MARCHF7: variants seen among roughly 807,000 people sequenced by gnomAD.
MARCHF7 encodes membrane associated ring-CH-type finger 7.
MARCHF7 carries 20 observed loss-of-function variants against 76.5 expected under a neutral mutation model. The observed-to-expected ratio is 0.26, with a 90% CI of 0.18 to 0.38. MARCHF7 has a LOEUF of 0.38. Among genes scored for constraint, MARCHF7 ranks in the 10% least tolerant of loss-of-function variants. The probability of loss-of-function intolerance (pLI) is 1.00; values close to 1 mark genes in which losing one functional copy is unlikely to be tolerated. For missense variants in MARCHF7, 797 were observed against 812.9 expected (o/e 0.98, Z 0.24); for synonymous variants, 295 against 293.0 (o/e 1.01, Z -0.07).
chr2:159,733,774 G>A (rs1350539084), intron 4 of MARCHF7: 2 of 985,212 alleles, frequency 2.0e-6, no homozygotes, highest in South Asian at 9.4e-5. Flanking sequence ...AGTTAACATG[G>A]ATATTTGTGT....
intron 4 of MARCHF7, among the ~76,000 whole-genome samples, chr2:159,734,869 C>A (rs1703268411): frequency 6.7e-6 from 1 of 150,330 alleles, no homozygotes; most frequent in Admixed American, 6.6e-5. Flanking sequence ...TTAGTCCCAG[C>A]TACTCAGGAG....
At chr2:159,751,531 C>T (rs1278940875) in intron 7 of MARCHF7, among the ~76,000 whole-genome samples, 1 of 152,166 alleles carries the variant, frequency 6.6e-6, no homozygotes, top group Non-Finnish European at 1.5e-5. Context: ...GCATGAAAGT[C>T]TCCTAGCGGC....
chr2:159,767,423 G>A lies in MARCHF7; in HGVS notation c.*81G>A. ...ATTAAATATAAATTACTTTTGTGGG[G>A]GAATGCCTAATAAATACATTGACTA... is the stretch of plus-strand genomic sequence containing the variant. On this transcript the variant is annotated 3_prime_UTR_variant, in exon 12 of 12. Transcript: ENST00000409175. The A allele has an allele frequency of 1.0e-6, 1 of 972,556 alleles. No individual in the cohort carries two copies. The highest frequency in any genetic ancestry group is 1.6e-6 in the Non-Finnish European group (1 of 619,612). 60.2% of individuals were successfully genotyped at this position (972,556 alleles called of 1,614,324 possible). A position where few individuals can be genotyped will look rare whatever the true frequency, so the allele number is the denominator to read the frequency against.
rs1432417240 is a variant in MARCHF7, at chr2:159,767,581, G to GT, written c.*245dup. ...TGTTTATAAACTGGTAATCAAAAAG[G>GT]TTTTTTCTTTTAGGTGAGTGGGAAA... On this transcript the variant is annotated 3_prime_UTR_variant, in exon 12 of 12. Coordinates refer to ENST00000409175, the MANE Select transcript of MARCHF7 (RefSeq NM_001282805.2). 5 of 343,438 alleles carry GT rather than the reference G, an allele frequency of 1.5e-5. No homozygotes were observed. Among genetic ancestry groups the GT allele is most frequent in the Non-Finnish European group, 2.1e-5 (4 of 190,348 alleles). 21.3% of individuals were successfully genotyped at this position (343,438 alleles called of 1,614,324 possible). A position where few individuals can be genotyped will look rare whatever the true frequency, so the allele number is the denominator to read the frequency against.
At chr2:159,715,362 G>T (rs995669829) in intron 2 of MARCHF7, among the ~76,000 whole-genome samples, 3 of 151,976 alleles carry the variant, frequency 2.0e-5, no homozygotes, top group Non-Finnish European at 4.4e-5. Flanking sequence ...TTTAGGTGGG[G>T]GGGGTAATAA....
chr2:159,735,439 C>T (rs1399883959), intron 4 of MARCHF7, among the ~76,000 whole-genome samples: 1 of 152,194 alleles, frequency 6.6e-6, no homozygotes, highest in Non-Finnish European at 1.5e-5. Flanking sequence ...AGTATATTCA[C>T]AGAGCTGCAC....
chr2:159,720,742 A>G (rs1701544208), intron 3 of MARCHF7, among the ~76,000 whole-genome samples: 1 of 152,204 alleles, frequency 6.6e-6, no homozygotes, highest in African/African-American at 2.4e-5. Flanking sequence ...GTAGATTACT[A>G]AATTGGGACC....
intron 11 of MARCHF7, 29 bp downstream of exon 11, chr2:159,764,703 G>T (rs1707550157): frequency 3.2e-6 from 5 of 1,572,756 alleles, no homozygotes; most frequent in Non-Finnish European, 4.3e-6. Context: ...CCCCAGACTT[G>T]TTGAATTTAC....
chr2:159,738,365 G>A (rs1385473835), intron 4 of MARCHF7, among the ~76,000 whole-genome samples: 1 of 152,294 alleles, frequency 6.6e-6, no homozygotes, highest in African/African-American at 2.4e-5. Flanking sequence ...CATGGTGAGT[G>A]GGGGGTAGGA....
rs559857692 is a variant in MARCHF7 at position 159,757,537 on chromosome 2, A to G, written c.1784-1689A>G. 3.3e-5 allele frequency among the ~76,000 whole-genome samples: 5 copies of G among 152,326 alleles called. No homozygotes were observed. The East Asian group carries it at 7.7e-4, about 24-fold the overall frequency. Reference sequence around the variant, plus strand: ...TGTGGTGGCTCACGCCTGTAATCCAACAGGACAAGGTGAGAGGATCCTTTG... The same window carrying G: ...TGTGGTGGCTCACGCCTGTAATCCAGCAGGACAAGGTGAGAGGATCCTTTG... On this transcript the variant is annotated intron_variant, in intron 8 of 11. Transcript: ENST00000409175.
chr2:159,756,687 CAAAAAAAAAAAAAA>C (rs869261420), intron 8 of MARCHF7, among the ~76,000 whole-genome samples: 1 of 64,212 alleles, frequency 1.6e-5, no homozygotes, highest in East Asian at 6.0e-4. Flanking sequence ...CACTCAGTCT[CAAAAAAAAAAAAAA>C]AAAAAAAAAA....
At chr2:159,764,980 A>C (rs1707592495) in intron 11 of MARCHF7, among the ~76,000 whole-genome samples, 1 of 151,944 alleles carries the variant, frequency 6.6e-6, no homozygotes, top group Non-Finnish European at 1.5e-5. Context: ...AATCTTAACT[A>C]CTAATCAAAC....
At chr2:159,721,067 A>G (rs1442172888) in intron 3 of MARCHF7, among the ~76,000 whole-genome samples, 1 of 146,962 alleles carries the variant, frequency 6.8e-6, no homozygotes, top group East Asian at 2.0e-4. Context: ...CGGTTTCGCC[A>G]TGTTGGCCAG....
rs17815040 is a variant in MARCHF7, at chr2:159,770,469, G to A, written c.*3127G>A. The A allele has an allele frequency of 0.25, 37,943 of 152,068 alleles. 6,092 individuals are homozygous for A. The highest frequency in any genetic ancestry group is 0.43 in the Admixed American group (6,522 of 15,254). The allele number at this position is 152,068 out of a possible 1,614,324, so 9.4% of individuals were successfully genotyped here. On this transcript the variant is annotated 3_prime_UTR_variant, in exon 12 of 12. Transcript: ENST00000409175. ...TGGTCAATAAAAAGAGACTACACAA[G>A]CTGGAACTTTGTTGCCATTAGTCAA...
At chr2:159,757,219 A>T (rs1224820400) in intron 8 of MARCHF7, among the ~76,000 whole-genome samples, 1 of 152,098 alleles carries the variant, frequency 6.6e-6, no homozygotes, top group East Asian at 1.9e-4. Flanking sequence ...TTATAAGGTT[A>T]TAATAAGTGC....
chr2:159,716,655 T>A (rs933596992), intron 3 of MARCHF7, among the ~76,000 whole-genome samples: 1 of 150,066 alleles, frequency 6.7e-6, no homozygotes, highest in Non-Finnish European at 1.5e-5. Context: ...AAAAAAAAAA[T>A]GATAGATTAC....
At chr2:159,760,934 C>T (rs1393867061) in intron 9 of MARCHF7, among the ~76,000 whole-genome samples, 1 of 151,980 alleles carries the variant, frequency 6.6e-6, no homozygotes, top group Non-Finnish European at 1.5e-5. Context: ...ATTCTAGTGG[C>T]CTGATAGCTA....
At chr2:159,750,489 C>T (rs1238034100) in intron 7 of MARCHF7, among the ~76,000 whole-genome samples, 2 of 152,114 alleles carry the variant, frequency 1.3e-5, no homozygotes, top group African/African-American at 4.8e-5. Context: ...TGCACCACTG[C>T]ACTCCAACCA....
intron 3 of MARCHF7, among the ~76,000 whole-genome samples, chr2:159,724,576 G>A (rs1465297463): frequency 6.6e-6 from 1 of 152,034 alleles, no homozygotes; most frequent in Middle Eastern, 3.2e-3. Context: ...TCCTTATGTT[G>A]AATTTATTTC....
Sources: gnomAD v4.1 joint callset for allele counts (sites outside exome capture counted in the v4.1 genomes callset) on GRCh38, gnomAD v4.1.1 for gene constraint, MANE v1.5 for transcripts, NCBI Gene and HGNC (gene_info 2026-07-23, HGNC 2026-07-21) for gene names.